PCDHA2: variants seen among roughly 807,000 people sequenced by gnomAD.
PCDHA2 encodes the protein protocadherin alpha-2.
PCDHA2 carries 58 observed loss-of-function variants against 66.0 expected under a neutral mutation model. The observed-to-expected ratio is 0.88, with a 90% confidence interval of 0.71 to 1.09. PCDHA2 has a LOEUF of 1.09. Among genes scored for constraint, PCDHA2 ranks in the 50% least tolerant of loss-of-function variants. The pLI, the probability that PCDHA2 is intolerant of heterozygous loss-of-function variation, is 0.00. For synonymous variants in PCDHA2, 634 were observed against 554.0 expected (o/e 1.14, Z -2.03); for missense variants, 1,267 against 1,242.3 (o/e 1.02, Z -0.30).
chr5:140,967,757 T>C, intron 1 of PCDHA2: 1 of 1,614,216 alleles, frequency 6.2e-7, no homozygotes, highest in Non-Finnish European at 8.5e-7. Flanking sequence ...AGCCTCCTCC[T>C]ACCAGATCTA....
Position 140,843,074 on chromosome 5 carries a change from G to T in PCDHA2, c.2388+45722G>T. On this transcript the variant is annotated intron_variant, in intron 1 of 3. Coordinates refer to ENST00000526136, the MANE Select transcript of PCDHA2 (RefSeq NM_018905.3). ...AGCGAGCAAGCTGGTGCCGCGGTCT[G>T]TGGGCGCGGGCCACGTGGTAGCGAA... is the stretch of plus-strand genomic sequence containing the variant. The T allele has an allele frequency of 3.1e-6, 5 of 1,595,392 alleles. 1 individual carries two copies. Among genetic ancestry groups the T allele is most frequent in the Non-Finnish European group, 4.3e-6 (5 of 1,165,320 alleles).
rs2150343168 is a variant in PCDHA2, at chr5:140,842,728, G to C, written c.2388+45376G>C. 3.1e-6 allele frequency: 5 copies of C among 1,594,936 alleles called. No individual in the cohort carries two copies. In the Admixed American group the frequency reaches 6.7e-5, roughly 22 times the overall value. On this transcript the variant is annotated intron_variant, in intron 1 of 3. Coordinates refer to ENST00000526136, the MANE Select transcript of PCDHA2 (RefSeq NM_018905.3). ...CGGTGTTCGTGAAGGAGAACAACCC[G>C]CCGGGCTGCCACATCTTCACGGTGT...
intron 1 of PCDHA2, chr5:140,815,189 A>T (rs1348855581): frequency 6.6e-6 from 1 of 152,164 alleles, no homozygotes; most frequent in Admixed American, 6.5e-5. Flanking sequence ...TTTTATTTAA[A>T]GTAATTATTG....
chr5:140,829,223 G>C (rs1259859685), intron 1 of PCDHA2: 1 of 1,614,124 alleles, frequency 6.2e-7, no homozygotes, highest in Non-Finnish European at 8.5e-7. Context: ...GAACGACCTC[G>C]ATTCAGGTGC....
chr5:140,884,573 C>T, intron 1 of PCDHA2: 1 of 1,614,170 alleles, frequency 6.2e-7, no homozygotes, highest in Non-Finnish European at 8.5e-7. Flanking sequence ...TAAGACGGAC[C>T]TCATGGCCTT....
intron 1 of PCDHA2, chr5:140,859,682 A>G (rs2045965984): frequency 6.5e-6 from 1 of 154,852 alleles, no homozygotes; most frequent in Admixed American, 6.4e-5. Context: ...AAATAAAATT[A>G]AAATTATTGT....
intron 1 of PCDHA2, chr5:140,862,942 G>C (rs75462656): frequency 5.5e-6 from 3 of 542,062 alleles, no homozygotes; most frequent in Admixed American, 3.9e-5. Flanking sequence ...CTGTGAGTGA[G>C]CTGGTGCGGT....
In PCDHA2 at chr5:140,850,468, C is replaced by G. The variant is rs2150485398; in HGVS notation, c.2388+53116C>G. 1.3e-5 allele frequency: 20 copies of G among 1,597,798 alleles called. 4 individuals carry two copies. The highest frequency in any genetic ancestry group is 1.6e-5 in the Non-Finnish European group (19 of 1,167,656). On this transcript the variant is annotated intron_variant, in intron 1 of 3. Transcript: ENST00000526136. Reference sequence around the variant, plus strand: ...CTGGTGAAAGACCACGGGGAGCCAGCGCTGACGGCCACGGCCACTGTGCTG... The same window carrying G: ...CTGGTGAAAGACCACGGGGAGCCAGGGCTGACGGCCACGGCCACTGTGCTG...
chr5:140,841,591 C>T (rs2150318680), intron 1 of PCDHA2: 1 of 1,614,046 alleles, frequency 6.2e-7, no homozygotes, highest in Admixed American at 1.7e-5. Context: ...ATTCTCGGAT[C>T]GACCGCGAGG....
chr5:140,805,317 A>T, intron 1 of PCDHA2: 6 of 1,278,578 alleles, frequency 4.7e-6, no homozygotes, highest in Non-Finnish European at 5.9e-6. Flanking sequence ...CCTTTTTTCC[A>T]ATGTGCTTGA....
intron 1 of PCDHA2, among the ~76,000 whole-genome samples, chr5:140,891,210 G>A (rs2062986388): frequency 1.3e-5 from 2 of 152,180 alleles, no homozygotes; most frequent in South Asian, 4.1e-4. Context: ...TTACCATGCT[G>A]TGTCTTTATA....
chr5:140,927,896 A>G (rs571131956), intron 1 of PCDHA2: 1 of 1,614,200 alleles, frequency 6.2e-7, no homozygotes, highest in African/African-American at 1.3e-5. Context: ...GACGTGAACG[A>G]TCATGCCCCC....
chr5:140,995,709 G>C (rs1279829164), intron 3 of PCDHA2, among the ~76,000 whole-genome samples: 6 of 152,162 alleles, frequency 3.9e-5, no homozygotes, highest in African/African-American at 1.4e-4. Flanking sequence ...GCTGGGCTTG[G>C]AAATGTTCTT....
chr5:141,009,833 G>A lies in PCDHA2; in HGVS notation c.2743G>A (p.Gly915Ser), dbSNP rs782642898. The A allele has an allele frequency of 8.7e-6, 14 of 1,613,366 alleles. No homozygotes were observed. The highest frequency in any genetic ancestry group is 2.7e-5 in the African/African-American group (2 of 74,746). ...TGACAAAAGTGACTTCATAACCTTC[G>A]GCAAAAAGGAGGAGACCAAGAAAAA... ...QIDKSDFITF[G>S]KKEETKKKKK... Residue 915 changes from glycine (G) to serine (S), a missense_variant, in exon 4 of 4, where the codon GGC (glycine) becomes AGC (serine). Physicochemically the swap from Gly to Ser is moderately conservative, Grantham distance 56 (BLOSUM62 0). Coordinates refer to ENST00000526136, the MANE Select transcript of PCDHA2 (RefSeq NM_018905.3).
At chr5:140,840,282 G>T (rs1294599981) in intron 1 of PCDHA2, among the ~76,000 whole-genome samples, 1 of 151,906 alleles carries the variant, frequency 6.6e-6, no homozygotes, top group Non-Finnish European at 1.5e-5. Context: ...TGGGTTTTGG[G>T]TGATTATTGA....
intron 1 of PCDHA2, chr5:140,825,430 TATA>T (rs1335934373): frequency 1.4e-5 from 2 of 147,522 alleles, no homozygotes; most frequent in Admixed American, 1.4e-4. Context: ...ATATAATAAA[TATA>T]TAATAATAAT....
intron 1 of PCDHA2, chr5:140,869,076 C>G (rs367613564): frequency 6.3e-7 from 1 of 1,577,934 alleles, no homozygotes; most frequent in South Asian, 1.2e-5. Flanking sequence ...TGTAAAGAAG[C>G]TTATTTTGGA....
At chr5:140,985,739 CTTTTTTTTTT>C (rs11372071) in intron 3 of PCDHA2, among the ~76,000 whole-genome samples, 1 of 117,922 alleles carries the variant, frequency 8.5e-6, no homozygotes, top group African/African-American at 3.2e-5. Context: ...TGATGAATTC[CTTTTTTTTTT>C]TTTTTTTTTT....
intron 1 of PCDHA2, among the ~76,000 whole-genome samples, chr5:140,799,148 C>T (rs995280112): frequency 6.6e-6 from 1 of 152,072 alleles, no homozygotes; most frequent in Admixed American, 6.5e-5. Flanking sequence ...TAAGTGACAT[C>T]TAGGTGGTAG....
Sources: gnomAD v4.1 joint callset for allele counts (sites outside exome capture counted in the v4.1 genomes callset) on GRCh38, gnomAD v4.1.1 for gene constraint, MANE v1.5 for transcripts, NCBI Gene and HGNC (gene_info 2026-07-23, HGNC 2026-07-21) for gene names.